FRZB: variants seen among roughly 807,000 people sequenced by gnomAD.
The protein encoded by FRZB is frizzled related protein, also known as secreted frizzled-related protein 3.
In FRZB, 34 loss-of-function variants were observed where a neutral mutation model predicts 32.5. That is an observed-to-expected ratio of 1.05 (90% CI 0.80 to 1.39). FRZB has a LOEUF of 1.39. FRZB is among the 40% of genes most tolerant of loss of function. The probability of loss-of-function intolerance (pLI) is 0.00; values close to 1 mark genes in which losing one functional copy is unlikely to be tolerated. For missense variants in FRZB, 423 were observed against 424.8 expected (o/e 1.00, Z 0.04); for synonymous variants, 170 against 159.2 (o/e 1.07, Z -0.51).
Position 182,866,082 on chromosome 2 carries a change from G to T in FRZB, c.471C>A (p.Asp157Glu), listed in dbSNP as rs202215920. 6.2e-7 allele frequency: 1 copy of T among 1,608,274 alleles called. No individual in the cohort carries two copies. Among genetic ancestry groups the T allele is most frequent in the Non-Finnish European group, 8.5e-7 (1 of 1,175,752 alleles). The part of the protein sequence containing the change: ...CISPEAIVTA[D>E]GADFPMDSSN... The stretch of plus-strand genomic sequence containing the variant: ...GGCCGTGTCAAAACTCACCAGCTCC[G>T]TCCGCAGTAACGATGGCCTCGGGAG... The change falls in exon 1 of 6, where the codon GAC (aspartate) becomes GAA (glutamate). Residue 157 changes from aspartate to glutamate, a missense_variant. Asp to Glu is a conservative substitution (Grantham distance 45). Coordinates refer to ENST00000295113, the MANE Select transcript of FRZB (RefSeq NM_001463.4). This position sits in a 1 kb window ranked among gnomAD's most constrained non-coding sequence, Gnocchi z 4.5.
intron 2 of FRZB, among the ~76,000 whole-genome samples, chr2:182,843,768 C>T (rs1420994310): frequency 2.0e-5 from 3 of 151,948 alleles, no homozygotes; most frequent in Non-Finnish European, 4.4e-5. Context: ...CCCGTCTCTA[C>T]AAAAAATGCA....
chr2:182,842,523 T>C lies in FRZB; in HGVS notation c.547A>G (p.Ile183Val), dbSNP rs149699593. 2.5e-6 allele frequency: 4 copies of C among 1,612,522 alleles called. No individual in the cohort carries two copies. The highest frequency in any genetic ancestry group is 3.4e-6 in the Non-Finnish European group (4 of 1,178,736). ...ASSERCKCKP[I>V]RATQKTYFRN... ...AAATAGGTCTTCTGTGTAGCTCTAATAGGCTTACATTTACAGCGTTCTGAA... is the reference window on the plus strand; with the variant it reads ...AAATAGGTCTTCTGTGTAGCTCTAACAGGCTTACATTTACAGCGTTCTGAA... The change falls in exon 3 of 6, where the codon ATT (isoleucine) becomes GTT (valine). Residue 183 changes from isoleucine to valine, a missense_variant. Ile to Val is a conservative substitution (Grantham distance 29). Transcript: ENST00000295113.
intron 2 of FRZB, among the ~76,000 whole-genome samples, chr2:182,850,542 T>G (rs1211483939): frequency 6.6e-6 from 1 of 151,530 alleles, no homozygotes; most frequent in African/African-American, 2.4e-5. Context: ...CCATTTTCCT[T>G]CAAATGACAG....
intron 2 of FRZB, among the ~76,000 whole-genome samples, chr2:182,853,883 T>C (rs953707075): frequency 2.0e-5 from 3 of 152,184 alleles, no homozygotes; most frequent in Non-Finnish European, 4.4e-5. Flanking sequence ...AATGCAGCAT[T>C]AGTCATTGTA....
chr2:182,853,354 T>C (rs1460592381), intron 2 of FRZB, among the ~76,000 whole-genome samples: 1 of 152,156 alleles, frequency 6.6e-6, no homozygotes, highest in Non-Finnish European at 1.5e-5. Context: ...AACCATAACT[T>C]TGGAACAAAT....
chr2:182,849,276 A>AAATAAATG (rs1553502459), intron 2 of FRZB, among the ~76,000 whole-genome samples: 4 of 134,888 alleles, frequency 3.0e-5, no homozygotes, highest in Non-Finnish European at 6.6e-5. Flanking sequence ...ATAAATAAAT[A>AAATAAATG]AATGTTCTTT....
At chr2:182,837,474 C>T (rs1407914005) in intron 5 of FRZB, among the ~76,000 whole-genome samples, 1 of 151,876 alleles carries the variant, frequency 6.6e-6, no homozygotes, top group Non-Finnish European at 1.5e-5. Flanking sequence ...CATTTTCTAG[C>T]CTGTTTTGCA....
At chr2:182,836,373 T>C (rs1695525709) in intron 5 of FRZB, among the ~76,000 whole-genome samples, 1 of 152,108 alleles carries the variant, frequency 6.6e-6, no homozygotes, top group African/African-American at 2.4e-5. Flanking sequence ...GGAGATTTTC[T>C]ACCCAAACTC....
chr2:182,845,120 A>G (rs1695626292), intron 2 of FRZB, among the ~76,000 whole-genome samples: 1 of 152,180 alleles, frequency 6.6e-6, no homozygotes, highest in Admixed American at 6.5e-5. Context: ...TAGGTTATTC[A>G]TGAAAAGGGT....
intron 2 of FRZB, among the ~76,000 whole-genome samples, chr2:182,858,302 T>A (rs1365499995): frequency 1.3e-5 from 2 of 152,190 alleles, no homozygotes; most frequent in Non-Finnish European, 2.9e-5. Context: ...ATCCAAGTAA[T>A]AAAATATTCT....
At chr2:182,850,115 C>T (rs1235790947) in intron 2 of FRZB, among the ~76,000 whole-genome samples, 1 of 152,132 alleles carries the variant, frequency 6.6e-6, no homozygotes, top group Non-Finnish European at 1.5e-5. Context: ...TTTATTAATA[C>T]ATAATAGATG....
At chr2:182,842,230 A>T (rs1695593613) in intron 3 of FRZB, among the ~76,000 whole-genome samples, 2 of 152,168 alleles carry the variant, frequency 1.3e-5, no homozygotes. Context: ...TGTGTACTTA[A>T]GTGCATGGCT....
intron 1 of FRZB, among the ~76,000 whole-genome samples, 179 bp from the exon 2 acceptor site, chr2:182,859,012 A>T (rs1337982255): frequency 6.6e-6 from 1 of 152,116 alleles, no homozygotes; most frequent in Non-Finnish European, 1.5e-5. Flanking sequence ...AGTATGGATG[A>T]GACTTATTTT....
At position 182,862,808 on chromosome 2, in the gene FRZB, G is replaced by A. The variant is rs544173484; in HGVS notation, c.478+3267C>T. Among the ~76,000 whole-genome samples the A allele has an allele frequency of 4.3e-4, 65 of 150,158 alleles. No individual in the cohort carries two copies. The South Asian group carries it at 0.011, about 26-fold the overall frequency. ...TTTTGAAACACAGTCTGGCTCTGTCGCTCAGTCTGGAGTGCAGTGGCGCCA... is the reference window on the plus strand; with the variant it reads ...TTTTGAAACACAGTCTGGCTCTGTCACTCAGTCTGGAGTGCAGTGGCGCCA... On this transcript the variant is annotated intron_variant, in intron 1 of 5. Transcript: ENST00000295113.
chr2:182,846,970 A>G (rs1695648676), intron 2 of FRZB, among the ~76,000 whole-genome samples: 1 of 152,192 alleles, frequency 6.6e-6, no homozygotes. Context: ...TGAGAAAGGG[A>G]AAGAGAACTA....
At chr2:182,859,763 T>C (rs1695810873) in intron 1 of FRZB, among the ~76,000 whole-genome samples, 1 of 152,138 alleles carries the variant, frequency 6.6e-6, no homozygotes, top group Non-Finnish European at 1.5e-5. Flanking sequence ...CTTTCCCAGG[T>C]TTAGTAATCA....
At chr2:182,844,447 GAC>G (rs1695618065) in intron 2 of FRZB, among the ~76,000 whole-genome samples, 1 of 152,104 alleles carries the variant, frequency 6.6e-6, no homozygotes. Flanking sequence ...TATTTCTGAA[GAC>G]GTAAATTTTA....
rs149336399 is a variant in FRZB at position 182,863,858 on chromosome 2, G to A, written c.478+2217C>T. 4.5e-4 allele frequency among the ~76,000 whole-genome samples: 69 copies of A among 152,222 alleles called. 1 individual carries two copies. The East Asian group carries it at 0.013, about 29-fold the overall frequency. ...TCAACAAGCTGGCCCTGGAAGCCAG[G>A]AGACCCTTCAGGCTACAATCTACAC... On this transcript the variant is annotated intron_variant, in intron 1 of 5. Transcript: ENST00000295113.
At chr2:182,840,775 C>A (rs1261708860) in intron 3 of FRZB, among the ~76,000 whole-genome samples, 1 of 151,988 alleles carries the variant, frequency 6.6e-6, no homozygotes, top group East Asian at 1.9e-4. Context: ...ATCCATATCC[C>A]ATTTTATTAT....
Sources: allele counts gnomAD v4.1 joint callset (sites outside exome capture counted in the v4.1 genomes callset), GRCh38; gene constraint gnomAD v4.1.1; non-coding constraint Gnocchi (gnomAD v3.1); transcripts MANE v1.5; gene names NCBI Gene and HGNC (gene_info 2026-07-23, HGNC 2026-07-21).